SNX13: variants seen among roughly 807,000 people sequenced by gnomAD.
SNX13 encodes the protein sorting nexin-13.
In SNX13, 45 loss-of-function variants were observed where a neutral mutation model predicts 133.6. The ratio of observed to expected loss-of-function variants is 0.34; its 90% CI spans 0.27 to 0.43. The LOEUF is 0.43. SNX13 is among the 20% of genes least tolerant of loss of function. The pLI is 1.00. For synonymous variants in SNX13, 414 were observed against 373.9 expected, an observed-to-expected ratio of 1.11 and a Z score of -1.24; for missense variants, 1,032 against 1,145.1, an observed-to-expected ratio of 0.90 and a Z score of 1.43.
intron 5 of SNX13, chr7:17,888,181 T>C (rs1796227334): frequency 6.6e-6 from 1 of 152,222 alleles, no homozygotes; most frequent in African/African-American, 2.4e-5. Context: ...AGAACTTTAT[T>C]TGATACCATT....
In SNX13 at chr7:17,891,527, A is replaced by G; in HGVS notation, c.318+19T>C. 6.3e-7 allele frequency: 1 copy of G among 1,578,728 alleles called. No individual in the cohort carries two copies. Among genetic ancestry groups the G allele is most frequent in the Non-Finnish European group, 8.7e-7 (1 of 1,149,748 alleles). On this transcript the variant is annotated intron_variant, in intron 4 of 25. Coordinates refer to ENST00000428135, the MANE Select transcript of SNX13 (RefSeq NM_015132.5). ...AGAACACAATATATAGAATTCAAATACCACACGCTGAAACTCACTTGCTGG... is the reference window on the plus strand; with the variant it reads ...AGAACACAATATATAGAATTCAAATGCCACACGCTGAAACTCACTTGCTGG...
intron 9 of SNX13, among the ~76,000 whole-genome samples, chr7:17,857,647 G>T (rs1179410511): frequency 2.6e-5 from 4 of 152,106 alleles, no homozygotes; most frequent in Admixed American, 2.6e-4. Context: ...AGCAGGGCAT[G>T]CTGGCGGGCA....
At chr7:17,825,735 T>A (rs1431492400) in intron 17 of SNX13, among the ~76,000 whole-genome samples, 1 of 152,144 alleles carries the variant, frequency 6.6e-6, no homozygotes, top group African/African-American at 2.4e-5. Context: ...AACTATCAGC[T>A]AGACCCAAGA....
rs552705599 is a variant in SNX13, at chr7:17,922,866, G to A, written c.12+17418C>T. The stretch of plus-strand genomic sequence containing the variant: ...ATGAAAAATCATATGTGCTTACTCA[G>A]AAAAAGGTATGAAAGTAGACATGCA... On this transcript the variant is annotated intron_variant, in intron 1 of 25. Coordinates refer to ENST00000428135, the MANE Select transcript of SNX13 (RefSeq NM_015132.5). Among the ~76,000 whole-genome samples the A allele has an allele frequency of 2.6e-5, 4 of 152,218 alleles. No individual in the cohort carries two copies. In the South Asian group the frequency reaches 6.2e-4, roughly 24 times the overall value.
intron 13 of SNX13, among the ~76,000 whole-genome samples, chr7:17,838,621 T>G (rs1003959001): frequency 2.6e-5 from 4 of 151,948 alleles, no homozygotes; most frequent in Admixed American, 1.3e-4. Flanking sequence ...TTCTAAGCAC[T>G]AAGTAGCTGC....
At chr7:17,861,583 T>C (rs752473886) in intron 9 of SNX13, among the ~76,000 whole-genome samples, 24 of 152,112 alleles carry the variant, frequency 1.6e-4, no homozygotes, top group African/African-American at 3.6e-4. Context: ...AGGATGTGCA[T>C]TGAGAGACAA....
At chr7:17,904,246 T>C (rs1380382281) in intron 1 of SNX13, among the ~76,000 whole-genome samples, 2 of 152,238 alleles carry the variant, frequency 1.3e-5, no homozygotes, top group African/African-American at 4.8e-5. Context: ...GCTAACTTTC[T>C]GCATAACCTT....
chr7:17,883,296 C>CAAG (rs1795584590), intron 5 of SNX13, among the ~76,000 whole-genome samples: 1 of 152,108 alleles, frequency 6.6e-6, no homozygotes, highest in Non-Finnish European at 1.5e-5. Flanking sequence ...GTACAAAAAA[C>CAAG]AAGACGTGAA....
intron 1 of SNX13, among the ~76,000 whole-genome samples, chr7:17,934,574 G>C (rs1372233989): frequency 6.6e-6 from 1 of 152,020 alleles, no homozygotes; most frequent in African/African-American, 2.4e-5. Context: ...AACAGAAAGA[G>C]GTATATCTAC....
At chr7:17,800,687 A>T (rs1196357004) in intron 22 of SNX13, among the ~76,000 whole-genome samples, 1 of 151,720 alleles carries the variant, frequency 6.6e-6, no homozygotes, top group Non-Finnish European at 1.5e-5. Context: ...TACATAAAGC[A>T]CTCCTACTAA....
At chr7:17,812,695 C>T (rs940937680) in intron 20 of SNX13, among the ~76,000 whole-genome samples, 2 of 152,052 alleles carry the variant, frequency 1.3e-5, no homozygotes, top group Non-Finnish European at 2.9e-5. Flanking sequence ...CACATGCACA[C>T]GTATGTTTAT....
chr7:17,895,567 T>G (rs1184080553), intron 2 of SNX13, among the ~76,000 whole-genome samples: 1 of 151,844 alleles, frequency 6.6e-6, no homozygotes, highest in Non-Finnish European at 1.5e-5. Flanking sequence ...TTCTCTAGAG[T>G]TTTTTAGTAC....
At chr7:17,875,812 A>G (rs1562824946) in intron 5 of SNX13, 22 bp from the exon 6 acceptor site, 3 of 1,546,246 alleles carry the variant, frequency 1.9e-6, no homozygotes, top group Non-Finnish European at 2.6e-6. Flanking sequence ...CACATTACAT[A>G]AAAGGATTAT....
chr7:17,883,480 T>C (rs1795603106), intron 5 of SNX13, among the ~76,000 whole-genome samples: 1 of 152,160 alleles, frequency 6.6e-6, no homozygotes, highest in African/African-American at 2.4e-5. Flanking sequence ...ATCTGGACAT[T>C]TCTTCTATAG....
chr7:17,912,904 G>A (rs1285430975), intron 1 of SNX13, among the ~76,000 whole-genome samples: 2 of 152,200 alleles, frequency 1.3e-5, no homozygotes, highest in Non-Finnish European at 2.9e-5. Context: ...ACTGAAATTA[G>A]ACTTTCCCAT....
At chr7:17,851,889 T>C (rs1022809631) in intron 9 of SNX13, among the ~76,000 whole-genome samples, 1 of 151,878 alleles carries the variant, frequency 6.6e-6, no homozygotes, top group African/African-American at 2.4e-5. Flanking sequence ...GTCACTGACA[T>C]GGAGATGACA....
intron 1 of SNX13, among the ~76,000 whole-genome samples, chr7:17,914,397 G>A (rs1676508550): frequency 6.6e-6 from 1 of 152,086 alleles, no homozygotes; most frequent in African/African-American, 2.4e-5. Context: ...AATCCTGCAA[G>A]ATACTGTACA....
At chr7:17,831,472 G>A (rs1788478682) in intron 15 of SNX13, 2 of 972,260 alleles carry the variant, frequency 2.1e-6, no homozygotes, top group Non-Finnish European at 2.4e-6. Context: ...AAAGGAGAGA[G>A]GAGAGATAGT....
At position 17,816,203 on chromosome 7, in the gene SNX13, C is replaced by A; in HGVS notation, c.1932G>T (p.Lys644Asn). ...MDRDFLEKRK[K>N]DLNAYLQLLL... ...TTACCTGCAAATATGCATTTAGATC[C>A]TTTTTTCTCTTTTCTAAAAAATCTC... is the stretch of plus-strand genomic sequence containing the variant. The change falls in exon 19 of 26, where the codon AAG becomes AAT. Residue 644 changes from lysine (K) to asparagine (N), a missense_variant. Transcript: ENST00000428135. 6.5e-7 allele frequency: 1 copy of A among 1,537,510 alleles called. No homozygotes were observed. The highest frequency in any genetic ancestry group is 8.8e-7 in the Non-Finnish European group (1 of 1,139,982).
Sources: gnomAD v4.1 joint callset for allele counts (sites outside exome capture counted in the v4.1 genomes callset) on GRCh38, gnomAD v4.1.1 for gene constraint, MANE v1.5 for transcripts, NCBI Gene and HGNC (gene_info 2026-07-23, HGNC 2026-07-21) for gene names.